CTH: variants seen among roughly 807,000 people sequenced by gnomAD.
CTH encodes cystathionase (cystathionine gamma-lyase).
Under a neutral mutation model 50.6 loss-of-function variants are expected in CTH, and 41 were observed. The observed-to-expected ratio is 0.81, with a 90% CI of 0.63 to 1.05. CTH has a LOEUF of 1.05. CTH is among the 50% of genes least tolerant of loss of function. The pLI is 0.00. For missense variants in CTH, 470 were observed against 492.6 expected, an observed-to-expected ratio of 0.95 and a Z score of 0.43; for synonymous variants, 156 against 168.9, an observed-to-expected ratio of 0.92 and a Z score of 0.59.
In CTH at chr1:70,421,565, G is replaced by A; in HGVS notation, c.347-1G>A. The A allele has an allele frequency of 6.2e-7, 1 of 1,613,610 alleles. No individual in the cohort carries two copies. The highest frequency in any genetic ancestry group is 8.5e-7 in the Non-Finnish European group (1 of 1,179,724). On this transcript the variant is annotated splice_acceptor_variant, in intron 3 of 11. Transcript: ENST00000370938. LOFTEE classifies it high-confidence loss of function. ...TTTTATCTGATTCCCTTCTGTCTCA[G>A]GTACAAACAGGTACTTCAGGCAAGT...
In CTH at chr1:70,412,680, G is replaced by A. The variant is rs1010289027; in HGVS notation, c.168+1097G>A. Among the ~76,000 whole-genome samples the A allele has an allele frequency of 3.3e-5, 5 of 152,244 alleles. 1 individual carries two copies. The highest frequency in any genetic ancestry group is 3.3e-4 in the Admixed American group (5 of 15,296). On this transcript the variant is annotated intron_variant, in intron 1 of 11. Coordinates refer to ENST00000370938, the MANE Select transcript of CTH (RefSeq NM_001902.6). ...TTCTGACACCACTTCTTCTGAGCTG[G>A]GGGACCTTGGGCAAGTTAGTTAACC...
Position 70,418,038 on chromosome 1 carries a change from T to G in CTH, c.346+6T>G, listed in dbSNP as rs1454067681. On this transcript the variant is annotated splice_donor_region_variant and intron_variant, in intron 3 of 11. Transcript: ENST00000370938. The stretch of plus-strand genomic sequence containing the variant: ...TATGGATGATGTGTATGGAGGTAGG[T>G]GACCCCTCTCATTTATATTCTGTAA... 1.2e-6 allele frequency: 2 copies of G among 1,613,780 alleles called. No individual in the cohort carries two copies. Among genetic ancestry groups the G allele is most frequent in the East Asian group, 2.2e-5 (1 of 44,876 alleles).
At chr1:70,424,168 A>T in intron 4 of CTH, 117 bp from the exon 5 acceptor site, 2 of 1,573,922 alleles carry the variant, frequency 1.3e-6, no homozygotes, top group Non-Finnish European at 1.7e-6. Flanking sequence ...ACCTCCCAAC[A>T]TCATCATCCA....
At chr1:70,413,255 C>G (rs961861300) in intron 1 of CTH, among the ~76,000 whole-genome samples, 1 of 147,970 alleles carries the variant, frequency 6.8e-6, no homozygotes, top group Non-Finnish European at 1.5e-5. Context: ...CTCTTTCTTT[C>G]TTTCTTTTTT....
intron 2 of CTH, 122 bp downstream of exon 2, chr1:70,416,159 C>A (rs192843511): frequency 2.9e-6 from 2 of 689,478 alleles, no homozygotes; most frequent in East Asian, 2.7e-5. Flanking sequence ...TGTTCTACTG[C>A]CTTTGAATTC....
intron 3 of CTH, 91 bp from the exon 4 acceptor site, chr1:70,421,474 TC>T: frequency 7.5e-7 from 1 of 1,334,006 alleles, no homozygotes; most frequent in Non-Finnish European, 1.1e-6. Context: ...GACTGAGAGT[TC>T]CATATATTTT....
In CTH at chr1:70,438,696, T is replaced by C; in HGVS notation, c.1061T>C (p.Met354Thr). 1 of 1,614,116 alleles carries C rather than the reference T, an allele frequency of 6.2e-7. No individual in the cohort carries two copies. The highest frequency in any genetic ancestry group is 2.2e-5 in the East Asian group (1 of 44,862). The change falls in exon 11 of 12, where the codon ATG becomes ACG. Residue 354 changes from methionine (M) to threonine (T), a missense_variant. Coordinates refer to ENST00000370938, the MANE Select transcript of CTH (RefSeq NM_001902.6). The part of the protein sequence containing the change: ...FESLAELPAI[M>T]THASVLKNDR... ...CTCATGTCTTCTTTCAGGGCAATCATGACTCATGCATCAGTTCTTAAGAAT... is the reference window on the plus strand; with the variant it reads ...CTCATGTCTTCTTTCAGGGCAATCACGACTCATGCATCAGTTCTTAAGAAT...
intron 10 of CTH, among the ~76,000 whole-genome samples, chr1:70,435,889 C>A (rs1684587320): frequency 1.3e-5 from 2 of 152,204 alleles, no homozygotes; most frequent in South Asian, 4.1e-4. Context: ...GTGTTCGCAG[C>A]TTCACTCTTG....
chr1:70,432,459 A>G (rs1684498563), intron 8 of CTH, among the ~76,000 whole-genome samples: 1 of 152,168 alleles, frequency 6.6e-6, no homozygotes, highest in Non-Finnish European at 1.5e-5. Flanking sequence ...ATGCTTGGAT[A>G]GTAGAAAATC....
At chr1:70,424,743 C>T (rs766972330) in intron 5 of CTH, among the ~76,000 whole-genome samples, 64 of 152,292 alleles carry the variant, frequency 4.2e-4, no homozygotes, top group Non-Finnish European at 8.7e-4. Context: ...GGATCAAGAC[C>T]ATGGTGAAAC....
At chr1:70,430,482 G>T in intron 7 of CTH, 88 bp downstream of exon 7, 1 of 719,886 alleles carries the variant, frequency 1.4e-6, no homozygotes, top group Non-Finnish European at 2.5e-6. Flanking sequence ...TGAAGTGATG[G>T]CATTCTAATA....
chr1:70,411,306 C>A lies in CTH; in HGVS notation c.-110C>A. 8.9e-7 allele frequency: 1 copy of A among 1,127,066 alleles called. No individual in the cohort carries two copies. The highest frequency in any genetic ancestry group is 1.4e-6 in the Non-Finnish European group (1 of 736,220). The allele number at this position is 1,127,066 out of a possible 1,614,324, so 69.8% of individuals were successfully genotyped here. ...GCTCGCCGTCGGCTCTACCTGCGTG[C>A]TTTAGCTCCTTCTCGCCTGATCCTT... On this transcript the variant is annotated 5_prime_UTR_variant, in exon 1 of 12. Coordinates refer to ENST00000370938, the MANE Select transcript of CTH (RefSeq NM_001902.6).
rs556177851 is a variant in CTH, at chr1:70,438,593, A to G, written c.1053-95A>G. ...GTATGCAAAATTTGATATTTGGACCAGAAAAATGTTGAGGGTAATTGCAGT... is the reference window on the plus strand; with the variant it reads ...GTATGCAAAATTTGATATTTGGACCGGAAAAATGTTGAGGGTAATTGCAGT... On this transcript the variant is annotated intron_variant, in intron 10 of 11. Transcript: ENST00000370938. 32 of 1,413,584 alleles carry G rather than the reference A, an allele frequency of 2.3e-5. No homozygotes were observed. In the African/African-American group the frequency reaches 4.4e-4, roughly 19 times the overall value. The allele number at this position is 1,413,584 out of a possible 1,614,324, so 87.6% of individuals were successfully genotyped here.
At chr1:70,436,355 A>C (rs1684598816) in intron 10 of CTH, among the ~76,000 whole-genome samples, 1 of 152,082 alleles carries the variant, frequency 6.6e-6, no homozygotes, top group South Asian at 2.1e-4. Context: ...ACAACAAAAA[A>C]TTAATGATTA....
At chr1:70,413,847 T>C (rs1294752591) in intron 1 of CTH, among the ~76,000 whole-genome samples, 1 of 149,736 alleles carries the variant, frequency 6.7e-6, no homozygotes, top group African/African-American at 2.5e-5. Context: ...GTTCAAGTAA[T>C]TCTCCTACCT....
At chr1:70,436,868 T>C (rs1684609433) in intron 10 of CTH, among the ~76,000 whole-genome samples, 1 of 152,226 alleles carries the variant, frequency 6.6e-6, no homozygotes, top group Non-Finnish European at 1.5e-5. Flanking sequence ...TGTCTTAAAA[T>C]AAATCTCTCC....
rs574487113 is a variant in CTH, at chr1:70,411,693, G to C, written c.168+110G>C. 2.0e-6 allele frequency: 3 copies of C among 1,477,506 alleles called. No individual in the cohort carries two copies. The African/African-American group carries it at 4.3e-5, about 21-fold the overall frequency. The allele number at this position is 1,477,506 out of a possible 1,614,324, so 91.5% of individuals were successfully genotyped here. ...ATAATATGACTTATAAATTAGGAAG[G>C]CAACCGAAAGATGTTTCTACACTGT... is the stretch of plus-strand genomic sequence containing the variant. On this transcript the variant is annotated intron_variant, in intron 1 of 11. Transcript: ENST00000370938.
intron 2 of CTH, 69 bp downstream of exon 2, chr1:70,416,106 A>G: frequency 1.1e-6 from 1 of 939,564 alleles, no homozygotes; most frequent in African/African-American, 1.6e-5. Flanking sequence ...AGAGGCACAG[A>G]ATGTGGAACT....
chr1:70,422,132 C>G (rs1402783402), intron 4 of CTH, among the ~76,000 whole-genome samples: 1 of 152,164 alleles, frequency 6.6e-6, no homozygotes, highest in Non-Finnish European at 1.5e-5. Context: ...GAAGTCATCA[C>G]AGAGATTGGA....
Sources: allele counts gnomAD v4.1 joint callset (sites outside exome capture counted in the v4.1 genomes callset), GRCh38; gene constraint gnomAD v4.1.1; transcripts MANE v1.5; gene names NCBI Gene and HGNC (gene_info 2026-07-23, HGNC 2026-07-21).